Variants in ARHGAP44 observed in about 807,000 individuals in gnomAD.
ARHGAP44 encodes Rho GTPase activating protein 44.
Under a neutral mutation model 106.8 loss-of-function variants are expected in ARHGAP44, and 43 were observed. The ratio of observed to expected loss-of-function variants is 0.40; its 90% CI spans 0.32 to 0.52. The LOEUF (loss-of-function observed/expected upper bound fraction) is 0.52. ARHGAP44 is among the 20% of genes least tolerant of loss of function. ARHGAP44 has a pLI of 0.48. For synonymous variants in ARHGAP44, 439 were observed against 410.3 expected (o/e 1.07, Z -0.85); for missense variants, 866 against 1,050.5 (o/e 0.82, Z 2.43).
At chr17:12,981,770 G>A (rs1386234168) in intron 19 of ARHGAP44, among the ~76,000 whole-genome samples, 2 of 151,540 alleles carry the variant, frequency 1.3e-5, no homozygotes, top group Non-Finnish European at 2.9e-5. Flanking sequence ...TAGCACTTTG[G>A]GAGGCTGAGA....
intron 4 of ARHGAP44, among the ~76,000 whole-genome samples, chr17:12,914,791 C>A: frequency 8.7e-6 from 1 of 115,598 alleles, no homozygotes; most frequent in African/African-American, 3.0e-5. Context: ...AGTGAAACTC[C>A]ATCTCAAGAA....
At chr17:12,852,347 T>C (rs2035776061) in intron 1 of ARHGAP44, among the ~76,000 whole-genome samples, 1 of 143,768 alleles carries the variant, frequency 7.0e-6, no homozygotes, top group South Asian at 2.4e-4. Context: ...AAAAAACTCT[T>C]CGTTTTCGTT....
chr17:12,910,676 C>T (rs1331326963), intron 4 of ARHGAP44, among the ~76,000 whole-genome samples: 1 of 151,762 alleles, frequency 6.6e-6, no homozygotes, highest in Non-Finnish European at 1.5e-5. Context: ...GAACTCCTGA[C>T]CTCAAGTGAT....
At chr17:12,850,770 G>A (rs1295033709) in intron 1 of ARHGAP44, among the ~76,000 whole-genome samples, 1 of 152,194 alleles carries the variant, frequency 6.6e-6, no homozygotes, top group African/African-American at 2.4e-5. Flanking sequence ...CAGGTATTTT[G>A]TGTTCACTGC....
At chr17:12,943,696 G>C in intron 9 of ARHGAP44, 27 bp downstream of exon 9, 2 of 1,610,016 alleles carry the variant, frequency 1.2e-6, no homozygotes, top group Non-Finnish European at 8.5e-7. Context: ...CCTGGAGAAG[G>C]GAGGGCCGGG....
chr17:12,811,761 T>G (rs895237855), intron 1 of ARHGAP44, among the ~76,000 whole-genome samples: 1 of 152,184 alleles, frequency 6.6e-6, no homozygotes, highest in Non-Finnish European at 1.5e-5. Context: ...TAGTTTCCGG[T>G]GTCAGCAGCA....
chr17:12,927,618 C>T (rs2038285364), intron 6 of ARHGAP44, among the ~76,000 whole-genome samples: 1 of 152,152 alleles, frequency 6.6e-6, no homozygotes, highest in African/African-American at 2.4e-5. Context: ...CAATTTCCTC[C>T]TTCTCTAGTC....
At chr17:12,868,660 T>C (rs1466942787) in intron 1 of ARHGAP44, among the ~76,000 whole-genome samples, 4 of 146,898 alleles carry the variant, frequency 2.7e-5, no homozygotes, top group African/African-American at 9.9e-5. Flanking sequence ...TATTTATTTT[T>C]TTAATTTTTT....
chr17:12,800,836 C>G (rs1476898116), intron 1 of ARHGAP44, among the ~76,000 whole-genome samples: 1 of 152,212 alleles, frequency 6.6e-6, no homozygotes, highest in Non-Finnish European at 1.5e-5. Flanking sequence ...TCTCCTGCTT[C>G]TCTCCCCCTA....
At chr17:12,865,375 G>T (rs1405404047) in intron 1 of ARHGAP44, among the ~76,000 whole-genome samples, 1 of 152,160 alleles carries the variant, frequency 6.6e-6, no homozygotes. Flanking sequence ...TATTACTCTT[G>T]TAACTTATTA....
chr17:12,816,226 G>C (rs1179983499), intron 1 of ARHGAP44, among the ~76,000 whole-genome samples: 1 of 152,120 alleles, frequency 6.6e-6, no homozygotes, highest in Non-Finnish European at 1.5e-5. Context: ...TATTTGGGTG[G>C]TGAGAAATGG....
chr17:12,845,488 C>G (rs1190199508), intron 1 of ARHGAP44, among the ~76,000 whole-genome samples: 4 of 119,596 alleles, frequency 3.3e-5, no homozygotes, highest in African/African-American at 1.4e-4. Context: ...AGCCTGGTGA[C>G]AAAGCAAGAC....
chr17:12,939,369 T>C (rs897657700), intron 7 of ARHGAP44, among the ~76,000 whole-genome samples: 1 of 152,198 alleles, frequency 6.6e-6, no homozygotes, highest in African/African-American at 2.4e-5. Context: ...GGATCTGAAA[T>C]TGGAAATTCA....
At chr17:12,835,434 T>G (rs1169189713) in intron 1 of ARHGAP44, among the ~76,000 whole-genome samples, 1 of 152,154 alleles carries the variant, frequency 6.6e-6, no homozygotes. Flanking sequence ...GGCATGATGA[T>G]AAAAGTTGGT....
In ARHGAP44 at chr17:12,895,082, G is replaced by T. The variant is rs567235006; in HGVS notation, c.93+103G>T. ...GGAGGTGGAGGTTGTAGTTAGCCGG[G>T]ATCGTGCCACTACACTCCAGCCTGG... On this transcript the variant is annotated intron_variant, in intron 2 of 20. Coordinates refer to ENST00000379672, the MANE Select transcript of ARHGAP44 (RefSeq NM_014859.6). The T allele has an allele frequency of 3.1e-5, 33 of 1,071,836 alleles. No homozygotes were observed. In the East Asian group the frequency reaches 8.8e-4, roughly 28 times the overall value. 66.4% of individuals were successfully genotyped at this position (1,071,836 alleles called of 1,614,324 possible).
chr17:12,903,762 C>A (rs1235115633), intron 3 of ARHGAP44, among the ~76,000 whole-genome samples: 2 of 152,144 alleles, frequency 1.3e-5, no homozygotes, highest in Non-Finnish European at 1.5e-5. Flanking sequence ...CACCCTTTCC[C>A]CTGAGTCCCC....
At chr17:12,855,005 A>T (rs1024747451) in intron 1 of ARHGAP44, among the ~76,000 whole-genome samples, 1 of 151,494 alleles carries the variant, frequency 6.6e-6, no homozygotes, top group African/African-American at 2.4e-5. Context: ...CTATGTCCAC[A>T]CATGTCTGTA....
rs2036929133 is a variant in ARHGAP44 at position 12,887,934 on chromosome 17, A to G, written c.54-7006A>G. 2.6e-5 allele frequency among the ~76,000 whole-genome samples: 4 copies of G among 151,634 alleles called. No homozygotes were observed. The South Asian group carries it at 8.3e-4, about 32-fold the overall frequency. ...CAAATTTGTGTGTGTAGGTTTTTCA[A>G]AGGCATCCTTTTGATTTCTGCAGGG... is the stretch of plus-strand genomic sequence containing the variant. On this transcript the variant is annotated intron_variant, in intron 1 of 20. Transcript: ENST00000379672.
At chr17:12,828,339 T>C (rs911390886) in intron 1 of ARHGAP44, among the ~76,000 whole-genome samples, 1 of 152,134 alleles carries the variant, frequency 6.6e-6, no homozygotes, top group African/African-American at 2.4e-5. Flanking sequence ...TGGGTTCATG[T>C]AGAGATACTT....
Sources: allele counts gnomAD v4.1 joint callset (sites outside exome capture counted in the v4.1 genomes callset), GRCh38; gene constraint gnomAD v4.1.1; transcripts MANE v1.5; gene names NCBI Gene and HGNC (gene_info 2026-07-23, HGNC 2026-07-21).